CHL1: variants seen among roughly 807,000 people sequenced by gnomAD.
CHL1 encodes the protein neural cell adhesion molecule L1-like protein.
CHL1 carries 96 observed loss-of-function variants against 141.9 expected under a neutral mutation model. The ratio of observed to expected loss-of-function variants is 0.68; its 90% CI spans 0.57 to 0.80. CHL1 has a LOEUF of 0.80. Ranked by LOEUF, CHL1 falls within the 30% of genes least tolerant of loss-of-function variation. CHL1 has a pLI of 0.00. For synonymous variants in CHL1, 613 were observed against 502.2 expected, an observed-to-expected ratio of 1.22 and a Z score of -2.95; for missense variants, 1,820 against 1,457.2, an observed-to-expected ratio of 1.25 and a Z score of -4.05.
chr3:270,007 G>A (rs1005672650), intron 2 of CHL1, among the ~76,000 whole-genome samples: 1 of 152,194 alleles, frequency 6.6e-6, no homozygotes, highest in South Asian at 2.1e-4. Flanking sequence ...CAGTAGAGGG[G>A]CCAGGCTAGA....
At chr3:305,470 A>G (rs1699142083) in intron 2 of CHL1, among the ~76,000 whole-genome samples, 1 of 152,064 alleles carries the variant, frequency 6.6e-6, no homozygotes, top group African/African-American at 2.4e-5. Flanking sequence ...ATAACTTTAT[A>G]GCTAAAAAGT....
In CHL1 at chr3:333,213, T is replaced by G. The variant is rs150164544; in HGVS notation, c.385+4859T>G. Among the ~76,000 whole-genome samples the G allele has an allele frequency of 3.1e-3, 449 of 146,536 alleles. 2 individuals carry two copies. Among genetic ancestry groups the G allele is most frequent in the African/African-American group, 9.8e-3 (397 of 40,372 alleles). On this transcript the variant is annotated intron_variant, in intron 5 of 27. Coordinates refer to ENST00000256509, the MANE Select transcript of CHL1 (RefSeq NM_006614.4). ...GCATCATTTCCAGCCTCTCCTGAAA[T>G]TACTTCATCATCTGACAGCTTTCTG... is the stretch of plus-strand genomic sequence containing the variant.
At chr3:215,420 T>C (rs1050135935) in intron 1 of CHL1, among the ~76,000 whole-genome samples, 1 of 152,100 alleles carries the variant, frequency 6.6e-6, no homozygotes, top group African/African-American at 2.4e-5. Flanking sequence ...GAGGGGAGGA[T>C]AGGAAGAGAT....
At chr3:246,185 C>T (rs1022871432) in intron 2 of CHL1, among the ~76,000 whole-genome samples, 1 of 151,926 alleles carries the variant, frequency 6.6e-6, no homozygotes, top group Non-Finnish European at 1.5e-5. Context: ...AAATACAATA[C>T]CCAGGGTATT....
intron 8 of CHL1, 148 bp downstream of exon 8, chr3:343,179 A>C: frequency 1.8e-6 from 1 of 547,272 alleles, no homozygotes; most frequent in Non-Finnish European, 3.2e-6. Flanking sequence ...ATTGCCCCCC[A>C]TGCCCTCTTA....
At chr3:250,451 A>T (rs1693584673) in intron 2 of CHL1, among the ~76,000 whole-genome samples, 1 of 151,442 alleles carries the variant, frequency 6.6e-6, no homozygotes. Flanking sequence ...ATATGGGCAA[A>T]CCTAGTGGAA....
intron 1 of CHL1, among the ~76,000 whole-genome samples, chr3:198,897 C>T (rs987149165): frequency 1.3e-5 from 2 of 152,122 alleles, no homozygotes; most frequent in African/African-American, 2.4e-5. Flanking sequence ...GATCAACTGC[C>T]GATGAAGTTG....
At chr3:238,512 C>T (rs564077482) in intron 1 of CHL1, among the ~76,000 whole-genome samples, 18 of 152,006 alleles carry the variant, frequency 1.2e-4, no homozygotes, top group Non-Finnish European at 2.4e-4. Context: ...ATTAAGCAAC[C>T]AATATTTGGC....
chr3:257,553 A>G (rs1021289107), intron 2 of CHL1, among the ~76,000 whole-genome samples: 4 of 151,946 alleles, frequency 2.6e-5, no homozygotes, highest in Admixed American at 6.6e-5. Context: ...GGGTTTCACC[A>G]TGCTGACCAG....
intron 2 of CHL1, among the ~76,000 whole-genome samples, chr3:303,129 G>T (rs987771474): frequency 1.3e-5 from 2 of 152,130 alleles, no homozygotes; most frequent in Admixed American, 6.6e-5. Flanking sequence ...GTACCATGCT[G>T]TTTTGGTTAC....
chr3:207,849 G>C (rs1260905075), intron 1 of CHL1, among the ~76,000 whole-genome samples: 2 of 152,088 alleles, frequency 1.3e-5, no homozygotes, highest in African/African-American at 4.8e-5. Context: ...ATTGATTTGG[G>C]CTGAATAGAT....
At chr3:289,255 T>A (rs975840547) in intron 2 of CHL1, among the ~76,000 whole-genome samples, 1 of 152,224 alleles carries the variant, frequency 6.6e-6, no homozygotes, top group Non-Finnish European at 1.5e-5. Context: ...TTGGTTTTTA[T>A]CTTAAAGACA....
At chr3:374,448 C>A (rs573342247) in intron 15 of CHL1, among the ~76,000 whole-genome samples, 16 of 152,200 alleles carry the variant, frequency 1.1e-4, no homozygotes, top group Non-Finnish European at 2.2e-4. Flanking sequence ...GGGCTACAGC[C>A]AAGAAGGGAA....
chr3:353,524 T>G (rs1703443158), intron 10 of CHL1, among the ~76,000 whole-genome samples: 1 of 152,204 alleles, frequency 6.6e-6, no homozygotes, highest in South Asian at 2.1e-4. Flanking sequence ...AATTTAACAA[T>G]TAAGTCCACA....
chr3:290,168 C>CA lies in CHL1; in HGVS notation c.-94-29509dup, dbSNP rs371856509. On this transcript the variant is annotated intron_variant, in intron 2 of 27. Coordinates refer to ENST00000256509, the MANE Select transcript of CHL1 (RefSeq NM_006614.4). ...TCATTTTAAACAGCAGAATCATAAA[C>CA]AAAAAACATAAAAATGAGAAGAACT... Among the ~76,000 whole-genome samples, 292 of 151,808 alleles carry CA rather than the reference C, an allele frequency of 1.9e-3. 1 individual carries two copies. Among genetic ancestry groups the CA allele is most frequent in the African/African-American group, 6.9e-3 (284 of 41,390 alleles).
At position 362,536 on chromosome 3, in the gene CHL1, T is replaced by A. The variant is rs73103193; in HGVS notation, c.1419-681T>A. 2.3e-3 allele frequency among the ~76,000 whole-genome samples: 353 copies of A among 152,234 alleles called. 2 individuals carry two copies. The highest frequency in any genetic ancestry group is 7.7e-3 in the African/African-American group (320 of 41,538). ...CTGAGATGTTTGGCACCCTGTTAAATTTTGCATCTGGGGCAAGCCTCCCAC... is the reference window on the plus strand; with the variant it reads ...CTGAGATGTTTGGCACCCTGTTAAAATTTGCATCTGGGGCAAGCCTCCCAC... On this transcript the variant is annotated intron_variant, in intron 13 of 27. Transcript: ENST00000256509.
chr3:218,927 A>C (rs953159685), intron 1 of CHL1, among the ~76,000 whole-genome samples: 15 of 152,182 alleles, frequency 9.9e-5, no homozygotes, highest in African/African-American at 3.6e-4. Flanking sequence ...CGGGCGGATC[A>C]CGAGGTCAGG....
chr3:221,848 T>C (rs1219198929), intron 1 of CHL1, among the ~76,000 whole-genome samples: 1 of 152,252 alleles, frequency 6.6e-6, no homozygotes, highest in Non-Finnish European at 1.5e-5. Context: ...TAGTACTTTA[T>C]TGACTCAATT....
At chr3:221,832 G>A (rs1286967215) in intron 1 of CHL1, among the ~76,000 whole-genome samples, 1 of 152,158 alleles carries the variant, frequency 6.6e-6, no homozygotes, top group Non-Finnish European at 1.5e-5. Context: ...TTAATCCATT[G>A]TGCCTTAGTA....
Sources: allele counts gnomAD v4.1 joint callset (sites outside exome capture counted in the v4.1 genomes callset), GRCh38; gene constraint gnomAD v4.1.1; transcripts MANE v1.5; gene names NCBI Gene and HGNC (gene_info 2026-07-23, HGNC 2026-07-21).